The following PACRG variants were observed in gnomAD, a reference collection of about 807,000 sequenced individuals.
PACRG encodes parkin coregulated.
PACRG carries 29 observed loss-of-function variants against 29.7 expected under a neutral mutation model. The ratio of observed to expected loss-of-function variants is 0.98; its 90% CI spans 0.73 to 1.33. The LOEUF (loss-of-function observed/expected upper bound fraction) is 1.33, where lower values mean the gene tolerates loss of function less well. Among genes scored for constraint, PACRG ranks in the 40% most tolerant of loss-of-function variants. The probability of loss-of-function intolerance (pLI) is 0.00; values close to 1 mark genes in which losing one functional copy is unlikely to be tolerated. For synonymous variants in PACRG, 116 were observed against 118.7 expected (o/e 0.98, Z 0.15); for missense variants, 279 against 316.2 (o/e 0.88, Z 0.89).
At chr6:163,189,696 G>A (rs957591035) in intron 4 of PACRG, 3 of 152,160 alleles carry the variant, frequency 2.0e-5, no homozygotes, top group African/African-American at 4.8e-5. Context: ...AGGTTTCTTC[G>A]GGAAGAGATA....
intron 2 of PACRG, among the ~76,000 whole-genome samples, chr6:162,903,401 A>T (rs1267861371): frequency 6.6e-6 from 1 of 152,222 alleles, no homozygotes; most frequent in Non-Finnish European, 1.5e-5. Flanking sequence ...ATACATACCC[A>T]AGACTGGGTA....
At chr6:162,929,749 T>G (rs1797712059) in intron 2 of PACRG, among the ~76,000 whole-genome samples, 3 of 152,012 alleles carry the variant, frequency 2.0e-5, no homozygotes, top group Admixed American at 6.6e-5. Flanking sequence ...TTTATTTGAT[T>G]TTTGTAGATG....
chr6:163,252,951 G>A (rs1433874922), intron 4 of PACRG, among the ~76,000 whole-genome samples: 1 of 152,152 alleles, frequency 6.6e-6, no homozygotes, highest in African/African-American at 2.4e-5. Context: ...CTCCATTGCT[G>A]CTTTGACCTA....
intron 2 of PACRG, among the ~76,000 whole-genome samples, chr6:162,948,605 T>C (rs949195232): frequency 1.3e-5 from 2 of 151,994 alleles, no homozygotes; most frequent in Admixed American, 1.3e-4. Flanking sequence ...GAGACAGCCT[T>C]AAAAATGAGA....
At chr6:163,071,268 T>TG (rs397688502) in intron 3 of PACRG, among the ~76,000 whole-genome samples, 1 of 150 alleles carries the variant, frequency 6.7e-3, no homozygotes, top group African/African-American at 0.029. Context: ...ATGTGGATCA[T>TG]CTCAAGGATA....
intron 2 of PACRG, among the ~76,000 whole-genome samples, chr6:163,045,451 A>G (rs551807144): frequency 6.6e-6 from 1 of 152,146 alleles, no homozygotes; most frequent in African/African-American, 2.4e-5. Context: ...CAGGCTCCCA[A>G]GTAGCTGGGA....
At chr6:163,104,272 C>A (rs1252105041) in intron 4 of PACRG, among the ~76,000 whole-genome samples, 1 of 152,168 alleles carries the variant, frequency 6.6e-6, no homozygotes, top group East Asian at 1.9e-4. Context: ...AATCTTCTAA[C>A]TTTGTTCCAC....
intron 4 of PACRG, among the ~76,000 whole-genome samples, chr6:163,109,361 G>A (rs373919011): frequency 1.1e-4 from 16 of 152,270 alleles, no homozygotes; most frequent in Non-Finnish European, 1.9e-4. Context: ...ACTATCACAC[G>A]TTGTCTATGA....
chr6:163,239,307 A>C (rs1374727339), intron 4 of PACRG, among the ~76,000 whole-genome samples: 1 of 152,128 alleles, frequency 6.6e-6, no homozygotes, highest in Non-Finnish European at 1.5e-5. Flanking sequence ...ATTTCTGTGC[A>C]TTCTGTTGGC....
chr6:163,253,586 C>T (rs942668379), intron 4 of PACRG, among the ~76,000 whole-genome samples: 30 of 152,072 alleles, frequency 2.0e-4, no homozygotes, highest in African/African-American at 7.0e-4. Flanking sequence ...AAGAATTTAG[C>T]CATGTTGTAT....
intron 4 of PACRG, among the ~76,000 whole-genome samples, chr6:163,120,928 C>T (rs918090951): frequency 7.9e-5 from 12 of 152,128 alleles, no homozygotes; most frequent in African/African-American, 2.9e-4. Flanking sequence ...TTCCTCCAGC[C>T]AAATGCCAGG....
chr6:163,018,812 C>T (rs1210617331), intron 2 of PACRG, among the ~76,000 whole-genome samples: 1 of 152,008 alleles, frequency 6.6e-6, no homozygotes, highest in African/African-American at 2.4e-5. Context: ...TTGCTTTGAG[C>T]TTCTTGTTTG....
chr6:163,310,505 T>C (rs988721674), intron 4 of PACRG: 2 of 152,120 alleles, frequency 1.3e-5, no homozygotes, highest in Non-Finnish European at 2.9e-5. Flanking sequence ...GGACAGCCTG[T>C]GAAACAGCTG....
Position 163,062,283 on chromosome 6 carries a change from T to C in PACRG, c.425T>C (p.Ile142Thr), listed in dbSNP as rs959499277. ...ATGCTGGAACACGGTGGGAACAAGA[T>C]CCTACCTGTCCTTCCACAGCTCATT... ...HDMLEHGGNK[I>T]LPVLPQLIIP... Residue 142 changes from isoleucine (I) to threonine (T), a missense_variant, in exon 3 of 5, where the codon ATC becomes ACC. Coordinates refer to ENST00000366888, the MANE Select transcript of PACRG (RefSeq NM_001080379.2). 2 of 1,613,684 alleles carry C rather than the reference T, an allele frequency of 1.2e-6. No individual in the cohort carries two copies. The highest frequency in any genetic ancestry group is 2.7e-5 in the African/African-American group (2 of 74,882).
In PACRG at chr6:162,966,537, T is replaced by C. The variant is rs559746938; in HGVS notation, c.292-95613T>C. 7.8e-3 allele frequency among the ~76,000 whole-genome samples: 1,162 copies of C among 149,754 alleles called. 9 individuals are homozygous for C. The highest frequency in any genetic ancestry group is 0.026 in the African/African-American group (1,054 of 40,410). ...TGTTGCCCAGGCTGGAGTGCAGTGG[T>C]GTGATCTCGGCTCACTGCAAGCTCC... On this transcript the variant is annotated intron_variant, in intron 2 of 4. Transcript: ENST00000366888.
intron 4 of PACRG, among the ~76,000 whole-genome samples, chr6:163,158,220 G>C (rs1050778398): frequency 2.0e-5 from 3 of 152,200 alleles, no homozygotes; most frequent in Admixed American, 2.0e-4. Context: ...TGTACCTACA[G>C]GGAGTGGCCA....
chr6:162,942,384 C>T (rs1353773614), intron 2 of PACRG, among the ~76,000 whole-genome samples: 2 of 152,266 alleles, frequency 1.3e-5, no homozygotes, highest in East Asian at 1.9e-4. Flanking sequence ...CTGTTTCATG[C>T]ATCTCCTACT....
intron 4 of PACRG, among the ~76,000 whole-genome samples, chr6:163,279,145 G>A (rs1784147884): frequency 6.6e-6 from 1 of 152,208 alleles, no homozygotes; most frequent in Admixed American, 6.5e-5. Flanking sequence ...CTTGGTCGCT[G>A]TTGGTGTATA....
intron 2 of PACRG, among the ~76,000 whole-genome samples, chr6:162,942,857 A>G (rs1179801479): frequency 1.3e-5 from 2 of 152,224 alleles, no homozygotes; most frequent in Non-Finnish European, 2.9e-5. Context: ...AAGAACCAAA[A>G]TAGTGAGTAG....
Sources: allele counts gnomAD v4.1 joint callset (sites outside exome capture counted in the v4.1 genomes callset), GRCh38; gene constraint gnomAD v4.1.1; transcripts MANE v1.5; gene names NCBI Gene and HGNC (gene_info 2026-07-23, HGNC 2026-07-21).